NES: variants seen among roughly 807,000 people sequenced by gnomAD.
NES encodes the protein nestin.
NES carries 27 observed loss-of-function variants against 35.6 expected under a neutral mutation model. The ratio of observed to expected loss-of-function variants is 0.76; its 90% CI spans 0.56 to 1.04. The LOEUF (loss-of-function observed/expected upper bound fraction) is 1.04, where lower values mean the gene tolerates loss of function less well. Among genes scored for constraint, NES ranks in the 50% least tolerant of loss-of-function variants. The pLI is 0.00. For synonymous variants in NES, 822 were observed against 824.2 expected (o/e 1.00, Z 0.04); for missense variants, 1,867 against 1,983.6 (o/e 0.94, Z 1.12).
chr1:156,670,344 T>C lies in NES; in HGVS notation c.3844A>G (p.Ser1282Gly), dbSNP rs766316978. Reference protein sequence around the residue: ...PEGPQEEGEESREESEEDELG... With the variant: ...PEGPQEEGEEGREESEEDELG... ...TCATCCTCCTCGCTCTCTTCTCTGC[T>C]CTCCTCCCCTTCCTCCTGGGGGCCC... Residue 1282 changes from serine to glycine, a missense_variant, in exon 4 of 4, where the codon AGC (serine) becomes GGC (glycine). Coordinates refer to ENST00000368223, the MANE Select transcript of NES (RefSeq NM_006617.2). 3.1e-6 allele frequency: 5 copies of C among 1,611,024 alleles called. No individual in the cohort carries two copies. The Admixed American group carries it at 6.7e-5, about 22-fold the overall frequency.
rs1223231927 is a variant in NES, at chr1:156,670,440, G to C, written c.3748C>G (p.Gln1250Glu). The C allele has an allele frequency of 6.4e-7, 1 of 1,560,842 alleles. No homozygotes were observed. The highest frequency in any genetic ancestry group is 1.4e-5 in the African/African-American group (1 of 73,350). Residue 1250 changes from glutamine to glutamate, a missense_variant, in exon 4 of 4, where the codon CAG becomes GAG. Gln to Glu is a conservative substitution (Grantham distance 29). Transcript: ENST00000368223. Reference protein sequence around the residue: ...EGSQEASWGVQGRAEALGKVE... With the variant: ...EGSQEASWGVEGRAEALGKVE... ...TTCCCCAGGGCTTCAGCCCTCCCCT[G>C]CACCCCCCAGCTAGCCTCCTGACTC...
In NES at chr1:156,670,744, A is replaced by C. The variant is rs1263820545; in HGVS notation, c.3444T>G (p.Gly1148=). The change falls in exon 4 of 4, where the codon GGT becomes GGG. Residue 1148 remains glycine, a synonymous_variant. Coordinates refer to ENST00000368223, the MANE Select transcript of NES (RefSeq NM_006617.2). ...GCTCGGAGAACTCTGTCCCCAGACC[A>C]CCTGCCTCCTCTAGGTCCTTTCTAG... ...EGPRKDLEEA[G]GLGTEFSELP... The C allele has an allele frequency of 1.9e-6, 3 of 1,613,848 alleles. No homozygotes were observed. Among genetic ancestry groups the C allele is most frequent in the East Asian group, 4.5e-5 (2 of 44,878 alleles).
At position 156,671,575 on chromosome 1, in the gene NES, C is replaced by T. The variant is rs746922289; in HGVS notation, c.2613G>A (p.Leu871=). 5.0e-6 allele frequency: 8 copies of T among 1,613,846 alleles called. No homozygotes were observed. In the South Asian group the frequency reaches 7.7e-5, roughly 16 times the overall value. The change falls in exon 4 of 4, where the codon CTG becomes CTA. Residue 871 remains leucine (L), a synonymous_variant. Coordinates refer to ENST00000368223, the MANE Select transcript of NES (RefSeq NM_006617.2). ...NPLEKEIQEP[L]ESVEVNQETF... ...TCTCTTGGTTCACTTCCACAGACTC[C>T]AGTGGTTCTTGAATTTCCTTTTCTA...
In NES at chr1:156,675,242, G is replaced by C; in HGVS notation, c.882C>G (p.Ser294=). ...GRQQLAHLKM[S]LSLEVATYRT... The stretch of plus-strand genomic sequence containing the variant: ...TGTACGTGGCCACCTCCAGGCTGAG[G>C]GACATCTTGAGGTGCGCCAGCTGCT... Residue 294 remains serine (S), a synonymous_variant, in exon 2 of 4, where the codon TCC becomes TCG. Transcript: ENST00000368223. 6.2e-7 allele frequency: 1 copy of C among 1,613,658 alleles called. No individual in the cohort carries two copies. The highest frequency in any genetic ancestry group is 8.5e-7 in the Non-Finnish European group (1 of 1,179,912).
rs536788849 is a variant in NES, at chr1:156,674,938, G to A, written c.908+278C>T. ...GGGTCTGGATGCAGTTGCCCCACAC[G>A]GGCCCAGCCCCTCTCCAGAGGCTGT... On this transcript the variant is annotated intron_variant, in intron 2 of 3. Coordinates refer to ENST00000368223, the MANE Select transcript of NES (RefSeq NM_006617.2). Among the ~76,000 whole-genome samples, 3 of 152,296 alleles carry A rather than the reference G, an allele frequency of 2.0e-5. No individual in the cohort carries two copies. The South Asian group carries it at 6.2e-4, about 32-fold the overall frequency.
chr1:156,671,952 A>C lies in NES; in HGVS notation c.2236T>G (p.Ser746Ala). The C allele has an allele frequency of 6.2e-7, 1 of 1,614,054 alleles. No homozygotes were observed. Among genetic ancestry groups the C allele is most frequent in the Non-Finnish European group, 8.5e-7 (1 of 1,180,020 alleles). Residue 746 changes from serine (S) to alanine (A), a missense_variant, in exon 4 of 4, where the codon TCT becomes GCT. Physicochemically the swap from Ser to Ala is moderately conservative, Grantham distance 99 (BLOSUM62 1). Transcript: ENST00000368223. The stretch of plus-strand genomic sequence containing the variant: ...GTCTCTTGGTCCTGTTCTTCTAAAG[A>C]CCTCAGTGATTTGTGATTCTCTGTT... Reference protein sequence around the residue: ...LETENHKSLRSLEEQDQETLR... With the variant: ...LETENHKSLRALEEQDQETLR...
Position 156,676,812 on chromosome 1 carries a change from C to G in NES, c.453G>C (p.Leu151=), listed in dbSNP as rs1678488356. Residue 151 remains leucine, a synonymous_variant, in exon 1 of 4, where the codon CTG becomes CTC. Transcript: ENST00000368223. This position sits in a 1 kb window ranked among gnomAD's most constrained non-coding sequence, Gnocchi z 5.3. ...GGGGGGCACAGGCAGCCTGCGCGTT[C>G]AGGCCGACGCGCTCCTCCTCGTGCG... ...RVAHEEERVG[L]NAQAACAPRC... The G allele has an allele frequency of 1.4e-6, 2 of 1,422,422 alleles. No individual in the cohort carries two copies. The highest frequency in any genetic ancestry group is 6.7e-5 in the Admixed American group (2 of 30,068). 88.1% of individuals were successfully genotyped at this position (1,422,422 alleles called of 1,614,324 possible).
Position 156,670,018 on chromosome 1 carries a change from C to T in NES, c.4170G>A (p.Leu1390=), listed in dbSNP as rs1205469174. The change falls in exon 4 of 4, where the codon CTG becomes CTA. Residue 1390 remains leucine (L), a synonymous_variant. Coordinates refer to ENST00000368223, the MANE Select transcript of NES (RefSeq NM_006617.2). ...PGVPGEVAEP[L]GQVPQLLLDP... ...CCAGTAGCAGCTGGGGCACCTGGCC[C>T]AGAGGTTCTGCCACCTCCCCAGGGA... The T allele has an allele frequency of 1.2e-6, 2 of 1,613,858 alleles. No individual in the cohort carries two copies. The highest frequency in any genetic ancestry group is 2.7e-5 in the African/African-American group (2 of 74,900).
chr1:156,673,670 C>T (rs1258785255), intron 2 of NES, 143 bp from the exon 3 acceptor site: 1 of 583,484 alleles, frequency 1.7e-6, no homozygotes, highest in Non-Finnish European at 3.1e-6. Flanking sequence ...ACACAAAAGC[C>T]ACACTCAGGG....
Position 156,671,632 on chromosome 1 carries a change from T to C in NES, c.2556A>G (p.Pro852=), listed in dbSNP as rs1412159419. The C allele has an allele frequency of 4.3e-6, 7 of 1,614,090 alleles. No individual in the cohort carries two copies. The highest frequency in any genetic ancestry group is 5.9e-6 in the Non-Finnish European group (7 of 1,180,042). Reference sequence around the variant, plus strand: ...TCATTGCCCCCTGATTTATTTCTTCTGGAGTCCACAGTGGTGCTTGAGTTT... The same window carrying C: ...TCATTGCCCCCTGATTTATTTCTTCCGGAGTCCACAGTGGTGCTTGAGTTT... ...SPETQAPLWT[P]EEINQGAMNP... is the part of the protein sequence containing the mutation. Residue 852 remains proline, a synonymous_variant, in exon 4 of 4, where the codon CCA becomes CCG. Coordinates refer to ENST00000368223, the MANE Select transcript of NES (RefSeq NM_006617.2).
chr1:156,670,279 G>C lies in NES; in HGVS notation c.3909C>G (p.Phe1303Leu). 1 of 1,611,468 alleles carries C rather than the reference G, an allele frequency of 6.2e-7. No homozygotes were observed. Among genetic ancestry groups the C allele is most frequent in the Non-Finnish European group, 8.5e-7 (1 of 1,178,336 alleles). ...TGGGGGAGGTGGGGGACCTGAGGTAGAAGCCCAGGGGAGTGGAGTCTGGAA... is the reference window on the plus strand; with the variant it reads ...TGGGGGAGGTGGGGGACCTGAGGTACAAGCCCAGGGGAGTGGAGTCTGGAA... ...ETLPDSTPLG[F>L]YLRSPTSPRW... Residue 1303 changes from phenylalanine (F) to leucine (L), a missense_variant, in exon 4 of 4, where the codon TTC becomes TTG. Transcript: ENST00000368223.
chr1:156,671,611 T>G lies in NES; in HGVS notation c.2577A>C (p.Ala859=). The change falls in exon 4 of 4, where the codon GCA becomes GCC. Residue 859 remains alanine, a synonymous_variant. Coordinates refer to ENST00000368223, the MANE Select transcript of NES (RefSeq NM_006617.2). ...LWTPEEINQG[A]MNPLEKEIQE... ...GAATTTCCTTTTCTAGAGGATTCAT[T>G]GCCCCCTGATTTATTTCTTCTGGAG... 1 of 1,614,024 alleles carries G rather than the reference T, an allele frequency of 6.2e-7. No homozygotes were observed. The highest frequency in any genetic ancestry group is 8.5e-7 in the Non-Finnish European group (1 of 1,180,042).
At chr1:156,675,093 T>C in intron 2 of NES, 123 bp downstream of exon 2, 1 of 1,284,246 alleles carries the variant, frequency 7.8e-7, no homozygotes, top group South Asian at 1.5e-5. Flanking sequence ...CAGCCTAGAG[T>C]CACAGAACCC....
Position 156,675,417 on chromosome 1 carries a change from C to T in NES, c.784-77G>A, listed in dbSNP as rs754997463. ...AACCAACCTGCCTCCTGCCCGCTGC[C>T]GCTGCCCGGGAAGCACCTCCTGCTC... On this transcript the variant is annotated intron_variant, in intron 1 of 3. Coordinates refer to ENST00000368223, the MANE Select transcript of NES (RefSeq NM_006617.2). 2.1e-5 allele frequency: 31 copies of T among 1,494,564 alleles called. 1 individual carries two copies. In the South Asian group the frequency reaches 2.2e-4, roughly 11 times the overall value. The allele number at this position is 1,494,564 out of a possible 1,614,324, so 92.6% of individuals were successfully genotyped here.
Position 156,671,446 on chromosome 1 carries a change from T to G in NES, c.2742A>C (p.Gln914His). The change falls in exon 4 of 4, where the codon CAA (glutamine) becomes CAC (histidine). Residue 914 changes from glutamine to histidine, a missense_variant. Coordinates refer to ENST00000368223, the MANE Select transcript of NES (RefSeq NM_006617.2). ...GGTTCTCTTCCTCTTCCAGATTCCT[T>G]TGACTTTCCTTGTCTACCTCCTCTG... ...RSPEEVDKES[Q>H]RNLEEEENLG... The G allele has an allele frequency of 6.2e-7, 1 of 1,614,048 alleles. No homozygotes were observed. The highest frequency in any genetic ancestry group is 1.1e-5 in the South Asian group (1 of 91,090).
rs746142582 is a variant in NES at position 156,672,214 on chromosome 1, A to C, written c.1974T>G (p.Ser658Arg). ...FPGTENQELV[S>R]SLQENLESLT... ...ATGACTCTAAGTTCTCTTGCAGAGA[A>C]CTTACTAATTCTTGATTTTCCGTTC... Residue 658 changes from serine to arginine, a missense_variant, in exon 4 of 4, where the codon AGT becomes AGG. Transcript: ENST00000368223. The C allele has an allele frequency of 7.5e-6, 12 of 1,604,190 alleles. No homozygotes were observed. Among genetic ancestry groups the C allele is most frequent in the Non-Finnish European group, 1.0e-5 (12 of 1,177,242 alleles).
rs1326419380 is a variant in NES at position 156,672,966 on chromosome 1, G to T, written c.1222C>A (p.Gln408Lys). The T allele has an allele frequency of 1.9e-6, 3 of 1,614,088 alleles. No individual in the cohort carries two copies. The South Asian group carries it at 3.3e-5, about 18-fold the overall frequency. The change falls in exon 4 of 4, where the codon CAG becomes AAG. Residue 408 changes from glutamine to lysine, a missense_variant. Transcript: ENST00000368223. ...SPAVDAEIRA[Q>K]DAPLSLLQTQ... Reference sequence around the variant, plus strand: ...TGGAGCAGAGAGAGAGGAGCATCCTGGGCTCTGATCTCTGCATCTACAGCA... The same window carrying T: ...TGGAGCAGAGAGAGAGGAGCATCCTTGGCTCTGATCTCTGCATCTACAGCA...
Position 156,671,725 on chromosome 1 carries a change from T to C in NES, c.2463A>G (p.Leu821=), listed in dbSNP as rs980116149. 8 of 1,613,768 alleles carry C rather than the reference T, an allele frequency of 5.0e-6. No homozygotes were observed. Among genetic ancestry groups the C allele is most frequent in the Non-Finnish European group, 6.8e-6 (8 of 1,179,992 alleles). ...KEESVEAVKS[L]ETEILESLKS... is the part of the protein sequence containing the mutation. ...TCAGTGATTCTAGGATCTCTGTTTC[T>C]AAAGATTTTACTGCCTCTACGCTCT... Residue 821 remains leucine, a synonymous_variant, in exon 4 of 4, where the codon TTA becomes TTG. Transcript: ENST00000368223.
Position 156,672,976 on chromosome 1 carries a change from C to G in NES, c.1212G>C (p.Glu404Asp), listed in dbSNP as rs776371861. ...AGAGAGGAGCATCCTGGGCTCTGAT[C>G]TCTGCATCTACAGCAGGAGAGGGTG... ...PQAPSPAVDA[E>D]IRAQDAPLSL... Residue 404 changes from glutamate to aspartate, a missense_variant, in exon 4 of 4, where the codon GAG becomes GAC. By Grantham distance (45) the Glu-to-Asp change is conservative. Transcript: ENST00000368223. The G allele has an allele frequency of 1.9e-5, 30 of 1,614,070 alleles. No homozygotes were observed. The highest frequency in any genetic ancestry group is 2.5e-5 in the Non-Finnish European group (30 of 1,180,010).
Sources: gnomAD v4.1 joint callset for allele counts (sites outside exome capture counted in the v4.1 genomes callset) on GRCh38, gnomAD v4.1.1 for gene constraint, Gnocchi (gnomAD v3.1) non-coding constraint, MANE v1.5 for transcripts, NCBI Gene and HGNC (gene_info 2026-07-23, HGNC 2026-07-21) for gene names.